NDRG4: variants seen among roughly 807,000 people sequenced by gnomAD.
The protein encoded by NDRG4 is NDRG family member 4, also known as protein NDRG4.
In NDRG4, 38 loss-of-function variants were observed where a neutral mutation model predicts 55.8. The ratio of observed to expected loss-of-function variants is 0.68; its 90% confidence interval spans 0.53 to 0.89. The LOEUF is 0.89. NDRG4 is among the 40% of genes least tolerant of loss of function. The pLI, the probability that NDRG4 is intolerant of heterozygous loss-of-function variation, is 0.00. For missense variants in NDRG4, 455 were observed against 468.6 expected, an observed-to-expected ratio of 0.97 and a Z score of 0.27; for synonymous variants, 190 against 182.7, an observed-to-expected ratio of 1.04 and a Z score of -0.32.
At chr16:58,506,219 G>C (rs1425720109) in intron 5 of NDRG4, 168 bp from the exon 6 acceptor site, 1 of 704,042 alleles carries the variant, frequency 1.4e-6, no homozygotes, top group Admixed American at 2.0e-5. Flanking sequence ...GAACTGTGAA[G>C]GGTTCAGTGA....
chr16:58,488,846 T>G (rs544544153), intron 2 of NDRG4, among the ~76,000 whole-genome samples: 1 of 152,206 alleles, frequency 6.6e-6, no homozygotes, highest in Non-Finnish European at 1.5e-5. Context: ...CAGCCACGGA[T>G]AAGCTGCCCT....
At chr16:58,474,952 C>A (rs1390610477) in intron 1 of NDRG4, among the ~76,000 whole-genome samples, 1 of 152,196 alleles carries the variant, frequency 6.6e-6, no homozygotes, top group Admixed American at 6.5e-5. Flanking sequence ...GGAACAGAGT[C>A]CCTCTCTGCC....
chr16:58,485,555 G>T (rs529665977), intron 1 of NDRG4, among the ~76,000 whole-genome samples: 1 of 152,128 alleles, frequency 6.6e-6, no homozygotes, highest in Non-Finnish European at 1.5e-5. Context: ...GTCCTGATGC[G>T]GAAGAGTTTT....
chr16:58,506,186 A>G (rs768316412), intron 5 of NDRG4: 1 of 645,934 alleles, frequency 1.5e-6, no homozygotes, highest in South Asian at 1.5e-5. Context: ...GGAAACAATG[A>G]TAGAGATTCT....
At chr16:58,466,909 C>T (rs566685233) in intron 1 of NDRG4, among the ~76,000 whole-genome samples, 2 of 152,178 alleles carry the variant, frequency 1.3e-5, no homozygotes, top group African/African-American at 2.4e-5. Context: ...TGGTGGGCAC[C>T]TCTTGGGCCC....
intron 1 of NDRG4, among the ~76,000 whole-genome samples, chr16:58,480,417 G>A (rs909027115): frequency 2.0e-5 from 3 of 152,182 alleles, no homozygotes; most frequent in African/African-American, 4.8e-5. Flanking sequence ...CACCGCACCC[G>A]GCCCTGCCCC....
intron 14 of NDRG4, chr16:58,510,902 A>G: frequency 3.4e-6 from 2 of 596,466 alleles, no homozygotes; most frequent in Non-Finnish European, 6.0e-6. Flanking sequence ...GGTTGTCATG[A>G]GCTGCGTGGC....
intron 2 of NDRG4, chr16:58,487,997 G>T: frequency 1.8e-6 from 1 of 567,540 alleles, no homozygotes; most frequent in East Asian, 3.4e-5. Context: ...GGGAGTTCCG[G>T]CAGGCCTGAG....
chr16:58,514,201 T>C (rs2039050246), downstream of NDRG4, among the ~76,000 whole-genome samples: 1 of 152,220 alleles, frequency 6.6e-6, no homozygotes, highest in Non-Finnish European at 1.5e-5. Context: ...TACTAAATCT[T>C]CACCTATGTA....
chr16:58,510,710 C>T (rs926428346), intron 14 of NDRG4, 27 bp downstream of exon 14: 1 of 1,533,890 alleles, frequency 6.5e-7, no homozygotes. Context: ...TCCCCTGATG[C>T]ATGGACGCCC....
At chr16:58,492,554 G>C (rs3991380) in intron 2 of NDRG4, among the ~76,000 whole-genome samples, 43,022 of 138,886 alleles carry the variant, frequency 0.31, 8,657 homozygotes, top group Middle Eastern at 0.44. Flanking sequence ...GTGTGTGTGA[G>C]AGACAGACAG....
At chr16:58,485,855 T>G (rs2035027596) in intron 1 of NDRG4, among the ~76,000 whole-genome samples, 1 of 152,208 alleles carries the variant, frequency 6.6e-6, no homozygotes, top group South Asian at 2.1e-4. Context: ...GTTTATCTTG[T>G]ACCCTATTGA....
At chr16:58,497,833 G>A (rs1025949309), upstream of NDRG4, among the ~76,000 whole-genome samples, 3 of 152,198 alleles carry the variant, frequency 2.0e-5, no homozygotes, top group Admixed American at 6.5e-5. Context: ...CCCCTGCCAG[G>A]ACCTGGGCAG....
chr16:58,509,726 A>G (rs1282845106), intron 13 of NDRG4, among the ~76,000 whole-genome samples: 1 of 152,158 alleles, frequency 6.6e-6, no homozygotes, highest in Non-Finnish European at 1.5e-5. Context: ...CACCCGCCCC[A>G]GGGCTTGGGG....
intron 5 of NDRG4, 155 bp from the exon 6 acceptor site, chr16:58,506,232 G>A (rs1440410020): frequency 1.3e-6 from 1 of 744,320 alleles, no homozygotes; most frequent in East Asian, 2.6e-5. Flanking sequence ...TTCAGTGAGA[G>A]GAGGACAGGC....
intron 7 of NDRG4, 47 bp downstream of exon 7, chr16:58,506,661 C>T: frequency 6.5e-7 from 1 of 1,541,222 alleles, no homozygotes; most frequent in Non-Finnish European, 8.8e-7. Flanking sequence ...GGGATTTGCC[C>T]CTCCCAGCTG....
At chr16:58,465,086 A>G in intron 1 of NDRG4, 1 of 1,284,710 alleles carries the variant, frequency 7.8e-7, no homozygotes, top group Non-Finnish European at 1.0e-6. Flanking sequence ...GAAAGGGAGC[A>G]GGGACGGGGG....
At chr16:58,477,997 T>G (rs999666237) in intron 1 of NDRG4, among the ~76,000 whole-genome samples, 3 of 152,204 alleles carry the variant, frequency 2.0e-5, no homozygotes, top group African/African-American at 7.2e-5. Context: ...TTCTGTCGTA[T>G]TCTTGCCAAA....
intron 14 of NDRG4, chr16:58,511,200 G>A: frequency 1.7e-6 from 1 of 576,334 alleles, no homozygotes; most frequent in South Asian, 2.1e-5. Context: ...CCAGCTCAGG[G>A]CTGCCTGGTC....
Sources: allele counts gnomAD v4.1 joint callset (sites outside exome capture counted in the v4.1 genomes callset), GRCh38; gene constraint gnomAD v4.1.1; transcripts MANE v1.5; gene names NCBI Gene and HGNC (gene_info 2026-07-23, HGNC 2026-07-21).